The following DTNB variants were observed in gnomAD, a reference collection of about 807,000 sequenced individuals.
The protein encoded by DTNB is DTN-B.
A neutral mutation model predicts 90.7 loss-of-function variants in DTNB; 63 were observed. The ratio of observed to expected loss-of-function variants is 0.69; its 90% CI spans 0.57 to 0.86. The LOEUF (loss-of-function observed/expected upper bound fraction) is 0.86, where lower values mean the gene tolerates loss of function less well. Ranked by LOEUF, DTNB falls within the 40% of genes least tolerant of loss-of-function variation. The pLI, the probability that DTNB is intolerant of heterozygous loss-of-function variation, is 0.00. For missense variants in DTNB, 744 were observed against 807.1 expected (o/e 0.92, Z 0.95); for synonymous variants, 277 against 286.7 (o/e 0.97, Z 0.34).
At chr2:25,635,148 A>G (rs2076872106) in intron 3 of DTNB, among the ~76,000 whole-genome samples, 1 of 152,058 alleles carries the variant, frequency 6.6e-6, no homozygotes, top group South Asian at 2.1e-4. Context: ...AATCCAATGA[A>G]GAGGCTGGGA....
chr2:25,420,262 C>CTTTTTT (rs56815083), intron 15 of DTNB, among the ~76,000 whole-genome samples: 1 of 63,884 alleles, frequency 1.6e-5, no homozygotes. Flanking sequence ...CAGGCACAGT[C>CTTTTTT]TTTTTTTTTT....
intron 12 of DTNB, among the ~76,000 whole-genome samples, chr2:25,451,134 G>GT (rs1225225400): frequency 3.3e-5 from 5 of 152,074 alleles, no homozygotes; most frequent in Non-Finnish European, 4.4e-5. Flanking sequence ...TTCTACTAGT[G>GT]TTTTTTTAGA....
intron 16 of DTNB, among the ~76,000 whole-genome samples, chr2:25,417,216 G>A (rs2048205958): frequency 6.6e-6 from 1 of 152,170 alleles, no homozygotes; most frequent in Non-Finnish European, 1.5e-5. Context: ...TCAGGTCCCT[G>A]GCCATGGAGA....
chr2:25,655,262 C>T (rs1159993459), intron 1 of DTNB, among the ~76,000 whole-genome samples: 1 of 152,170 alleles, frequency 6.6e-6, no homozygotes, highest in African/African-American at 2.4e-5. Context: ...TACAAGAGGG[C>T]GGTCTCCCCT....
intron 1 of DTNB, among the ~76,000 whole-genome samples, chr2:25,660,537 T>C (rs2082945939): frequency 6.6e-6 from 1 of 152,158 alleles, no homozygotes; most frequent in South Asian, 2.1e-4. Flanking sequence ...ACTCTAGAAA[T>C]ATACTAAAAA....
chr2:25,650,256 T>C, intron 2 of DTNB: 1 of 984,936 alleles, frequency 1.0e-6, no homozygotes, highest in Non-Finnish European at 1.2e-6. Context: ...CTGCTTCCCT[T>C]TACTAACATG....
chr2:25,603,436 A>T (rs1286005668), intron 5 of DTNB, among the ~76,000 whole-genome samples: 2 of 152,248 alleles, frequency 1.3e-5, no homozygotes, highest in African/African-American at 4.8e-5. Context: ...TCTAATGGCC[A>T]CAACAATGAA....
intron 8 of DTNB, among the ~76,000 whole-genome samples, chr2:25,563,510 T>G (rs1429367281): frequency 6.6e-6 from 1 of 152,224 alleles, no homozygotes; most frequent in African/African-American, 2.4e-5. Context: ...GGTAGTATAT[T>G]TAAGAAGGCA....
chr2:25,438,642 A>AT (rs1227798522), intron 12 of DTNB, among the ~76,000 whole-genome samples: 1 of 152,260 alleles, frequency 6.6e-6, no homozygotes, highest in Non-Finnish European at 1.5e-5. Flanking sequence ...AGAATTCCAA[A>AT]TAAGGTATGG....
chr2:25,584,876 T>G (rs1480689524), intron 6 of DTNB, among the ~76,000 whole-genome samples: 1 of 152,152 alleles, frequency 6.6e-6, no homozygotes, highest in African/African-American at 2.4e-5. Context: ...ACTTCTAATA[T>G]GGAAATACTG....
intron 8 of DTNB, among the ~76,000 whole-genome samples, chr2:25,557,881 T>C (rs1325054994): frequency 6.6e-6 from 1 of 152,204 alleles, no homozygotes; most frequent in Non-Finnish European, 1.5e-5. Flanking sequence ...GAACCACATA[T>C]TGACAGAAGA....
At chr2:25,532,839 C>T (rs779994950) in intron 8 of DTNB, among the ~76,000 whole-genome samples, 16 of 152,188 alleles carry the variant, frequency 1.1e-4, no homozygotes, top group Non-Finnish European at 2.1e-4. Context: ...ATCAATGCCA[C>T]GTCCCCAATA....
At chr2:25,661,543 A>G (rs934890761) in intron 1 of DTNB, among the ~76,000 whole-genome samples, 1 of 152,318 alleles carries the variant, frequency 6.6e-6, no homozygotes, top group South Asian at 2.1e-4. Context: ...CTTTGGGGGG[A>G]AAGGAAGGGG....
chr2:25,387,459 C>T lies in DTNB; in HGVS notation c.1736-81G>A. ...CGGCTGAGCAAATGCCTCAGTTCTG[C>T]CAGGCCCGAGAACACAGGTGTGGAA... On this transcript the variant is annotated intron_variant, in intron 17 of 20. Transcript: ENST00000406818. The surrounding 1 kb of genome is among the most constrained non-coding windows in gnomAD (Gnocchi z 4.5). 1 of 1,356,576 alleles carries T rather than the reference C, an allele frequency of 7.4e-7. No homozygotes were observed. The highest frequency in any genetic ancestry group is 1.8e-5 in the Admixed American group (1 of 54,094). 84.0% of individuals were successfully genotyped at this position (1,356,576 alleles called of 1,614,324 possible).
intron 16 of DTNB, among the ~76,000 whole-genome samples, chr2:25,410,509 G>A (rs2046327851): frequency 6.6e-6 from 1 of 152,120 alleles, no homozygotes; most frequent in Admixed American, 6.5e-5. Flanking sequence ...GTAAGTTCCT[G>A]AACATAAAAG....
At chr2:25,485,004 A>T (rs2065841987) in intron 9 of DTNB, among the ~76,000 whole-genome samples, 1 of 152,212 alleles carries the variant, frequency 6.6e-6, no homozygotes, top group Non-Finnish European at 1.5e-5. Context: ...TGAAACAAGG[A>T]GACAATCCCT....
intron 8 of DTNB, among the ~76,000 whole-genome samples, chr2:25,558,855 T>G (rs2057792250): frequency 1.3e-5 from 2 of 152,234 alleles, no homozygotes; most frequent in Non-Finnish European, 1.5e-5. Flanking sequence ...CCCTAACCCT[T>G]GGGGGGCTCT....
At chr2:25,383,657 C>T (rs1573630262) in intron 19 of DTNB, 179 bp downstream of exon 19, 1 of 1,370,376 alleles carries the variant, frequency 7.3e-7, no homozygotes, top group South Asian at 1.5e-5. Context: ...ATCGACTGAC[C>T]TTGTCACCTG....
intron 9 of DTNB, among the ~76,000 whole-genome samples, chr2:25,521,861 G>A (rs1271823635): frequency 1.3e-5 from 2 of 152,224 alleles, no homozygotes; most frequent in African/African-American, 4.8e-5. Context: ...ATGAATCCCA[G>A]GTGTGTGCAG....
Sources: gnomAD v4.1 joint callset for allele counts (sites outside exome capture counted in the v4.1 genomes callset) on GRCh38, gnomAD v4.1.1 for gene constraint, Gnocchi (gnomAD v3.1) non-coding constraint, MANE v1.5 for transcripts, NCBI Gene and HGNC (gene_info 2026-07-23, HGNC 2026-07-21) for gene names.